The following TP53BP1 variants were observed in gnomAD, a reference collection of about 807,000 sequenced individuals.
TP53BP1 encodes TP53-binding protein 1.
Under a neutral mutation model 200.8 loss-of-function variants are expected in TP53BP1, and 61 were observed. The observed-to-expected ratio is 0.30, with a 90% CI of 0.25 to 0.38. The LOEUF is 0.38. Among genes scored for constraint, TP53BP1 ranks in the 10% least tolerant of loss-of-function variants. The pLI is 1.00. For synonymous variants in TP53BP1, 822 were observed against 844.3 expected (o/e 0.97, Z 0.46); for missense variants, 2,144 against 2,371.9 (o/e 0.90, Z 2.00).
intron 4 of TP53BP1, 39 bp from the exon 5 acceptor site, chr15:43,481,061 G>C (rs2078957775): frequency 1.2e-6 from 2 of 1,612,810 alleles, no homozygotes; most frequent in Admixed American, 1.7e-5. Context: ...TTCCCAGATA[G>C]TTTGGGACAC....
At chr15:43,502,650 G>A (rs1307308059) in intron 1 of TP53BP1, among the ~76,000 whole-genome samples, 1 of 150,934 alleles carries the variant, frequency 6.6e-6, no homozygotes, top group African/African-American at 2.4e-5. Context: ...TAGTAGAGAC[G>A]GGGTTTCACT....
Position 43,481,036 on chromosome 15 carries a change from G to A in TP53BP1, c.372-14C>T, listed in dbSNP as rs376159158. 2 of 1,613,918 alleles carry A rather than the reference G, an allele frequency of 1.2e-6. No homozygotes were observed. Among genetic ancestry groups the A allele is most frequent in the African/African-American group, 2.7e-5 (2 of 75,044 alleles). On this transcript the variant is annotated splice_polypyrimidine_tract_variant and intron_variant, in intron 4 of 27. Coordinates refer to ENST00000382044, the MANE Select transcript of TP53BP1 (RefSeq NM_001141980.3). ...ATTCCCAGAACACTACACAGCAGAAGGATATAATCATGTGTTCCCAGATAG... is the reference window on the plus strand; with the variant it reads ...ATTCCCAGAACACTACACAGCAGAAAGATATAATCATGTGTTCCCAGATAG...
chr15:43,426,853 CAAA>C (rs748731821), intron 18 of TP53BP1, among the ~76,000 whole-genome samples: 1 of 118,940 alleles, frequency 8.4e-6, no homozygotes. Flanking sequence ...ACTAGAAATA[CAAA>C]AAAAAAAAAA....
rs1450464335 is a variant in TP53BP1, at chr15:43,406,213, A to AATC, written c.*1167_*1169dup. 1 of 162,310 alleles carries AATC rather than the reference A, an allele frequency of 6.2e-6. No homozygotes were observed. Among genetic ancestry groups the AATC allele is most frequent in the Non-Finnish European group, 1.3e-5 (1 of 74,500 alleles). The allele number at this position is 162,310 out of a possible 1,614,324, so 10.1% of individuals were successfully genotyped here. A position where few individuals can be genotyped will look rare whatever the true frequency, so the allele number is the denominator to read the frequency against. On this transcript the variant is annotated 3_prime_UTR_variant, in exon 28 of 28. Transcript: ENST00000382044. ...TTAATATGGCCCAGCCATCACTGGT[A>AATC]ATCAATATTCATATCAGTGTAAGTA...
upstream of TP53BP1, among the ~76,000 whole-genome samples, chr15:43,496,801 T>C (rs2079184953): frequency 1.3e-5 from 2 of 152,092 alleles, no homozygotes; most frequent in African/African-American, 4.8e-5. Context: ...TTTGTATTTT[T>C]AGTAGAGACA....
chr15:43,458,855 T>C (rs966950831), intron 11 of TP53BP1, among the ~76,000 whole-genome samples: 2 of 152,104 alleles, frequency 1.3e-5, no homozygotes, highest in Non-Finnish European at 2.9e-5. Context: ...GCAACTCTCG[T>C]ACATTGCTGC....
chr15:43,449,398 T>C (rs914772060), intron 12 of TP53BP1, among the ~76,000 whole-genome samples: 1 of 152,252 alleles, frequency 6.6e-6, no homozygotes, highest in African/African-American at 2.4e-5. Context: ...CAGACCTTTC[T>C]ATGTGACATA....
intron 15 of TP53BP1, 55 bp from the exon 16 acceptor site, chr15:43,438,471 T>C (rs2045851582): frequency 1.8e-5 from 27 of 1,460,326 alleles, no homozygotes; most frequent in Admixed American, 7.6e-5. Flanking sequence ...AAAGTACTTT[T>C]GGAGATTATC....
At chr15:43,495,867 T>C (rs545389960), upstream of TP53BP1, among the ~76,000 whole-genome samples, 1 of 147,934 alleles carries the variant, frequency 6.8e-6, no homozygotes, top group East Asian at 2.0e-4. Context: ...AATAGATAAA[T>C]AAATGAGTGA....
chr15:43,432,733 G>A (rs1045239181), intron 16 of TP53BP1, 56 bp from the exon 17 acceptor site: 28 of 1,530,146 alleles, frequency 1.8e-5, no homozygotes, highest in Non-Finnish European at 2.2e-5. Flanking sequence ...ATGTGTGAAC[G>A]TGTGTGTGTG....
At chr15:43,429,380 C>T (rs62020574) in intron 17 of TP53BP1, among the ~76,000 whole-genome samples, 26,586 of 152,078 alleles carry the variant, frequency 0.17, 2,507 homozygotes, top group Middle Eastern at 0.28. Context: ...CTTTATCCTC[C>T]CTCCTACACC....
chr15:43,493,011 C>A, intron 1 of TP53BP1, 26 bp downstream of exon 1: 2 of 1,612,784 alleles, frequency 1.2e-6, no homozygotes, highest in Non-Finnish European at 1.7e-6. Context: ...GAGCCCACTG[C>A]ACTCCCATTT....
chr15:43,498,005 G>C (rs2079190836), upstream of TP53BP1, among the ~76,000 whole-genome samples: 3 of 152,254 alleles, frequency 2.0e-5, no homozygotes, highest in South Asian at 6.2e-4. Flanking sequence ...AAGAATGTAT[G>C]GTTAATTGTA....
intron 11 of TP53BP1, among the ~76,000 whole-genome samples, chr15:43,463,050 C>A (rs1413875189): frequency 6.6e-6 from 1 of 151,902 alleles, no homozygotes; most frequent in Non-Finnish European, 1.5e-5. Flanking sequence ...GAGTGAGACT[C>A]CATCTCAAAA....
In TP53BP1 at chr15:43,409,034, G is replaced by A; in HGVS notation, c.5463C>T (p.Phe1821=). The A allele has an allele frequency of 6.2e-7, 1 of 1,614,220 alleles. No individual in the cohort carries two copies. Among genetic ancestry groups the A allele is most frequent in the East Asian group, 2.2e-5 (1 of 44,888 alleles). The change falls in exon 26 of 28, where the codon TTC becomes TTT. Residue 1821 remains phenylalanine (F), a synonymous_variant. Transcript: ENST00000382044. ...ADQHCRTRKY[F]LCLASGIPCV... is the part of the protein sequence containing the mutation. Reference sequence around the variant, plus strand: ...AAGGAATCCCACTGGCAAGGCACAGGAAGTACTTCCGGGTTCGACAATGCT... The same window carrying A: ...AAGGAATCCCACTGGCAAGGCACAGAAAGTACTTCCGGGTTCGACAATGCT...
chr15:43,470,183 TA>T (rs2046692034), intron 10 of TP53BP1, 117 bp from the exon 11 acceptor site: 2 of 862,220 alleles, frequency 2.3e-6, no homozygotes, highest in South Asian at 3.4e-5. Context: ...AATAGTGACG[TA>T]ATTTTTCAGA....
intron 15 of TP53BP1, among the ~76,000 whole-genome samples, chr15:43,439,390 T>C (rs2045876197): frequency 6.6e-6 from 1 of 152,052 alleles, no homozygotes; most frequent in Non-Finnish European, 1.5e-5. Flanking sequence ...AACACAAAAA[T>C]TAGCCCCTGG....
chr15:43,504,206 C>T (rs1049581073), intron 1 of TP53BP1, among the ~76,000 whole-genome samples: 3 of 152,134 alleles, frequency 2.0e-5, no homozygotes, highest in Non-Finnish European at 2.9e-5. Context: ...CGCACTGGCA[C>T]GATCACAGCT....
In TP53BP1 at chr15:43,456,707, G is replaced by A. The variant is rs917720125; in HGVS notation, c.1901C>T (p.Pro634Leu). The change falls in exon 12 of 28, where the codon CCG becomes CTG. Residue 634 changes from proline to leucine, a missense_variant. Physicochemically the swap from Pro to Leu is moderately conservative, Grantham distance 98. Around this residue, in one of 4 missense-constraint regions of TP53BP1, gnomAD observed 1,700 missense variants for 1,710.3 expected, o/e 0.99. Transcript: ENST00000382044. ...LTCDSGSQAV[P>L]SPATRSEALS... ...TGCCTCAGATCGAGTAGCTGGTGAC[G>A]GAACTGCCTGACTCCCCGAATCACA... 26 of 1,613,924 alleles carry A rather than the reference G, an allele frequency of 1.6e-5. No homozygotes were observed. Among genetic ancestry groups the A allele is most frequent in the African/African-American group, 6.7e-5 (5 of 74,898 alleles).
Sources: allele counts gnomAD v4.1 joint callset (sites outside exome capture counted in the v4.1 genomes callset), GRCh38; gene constraint gnomAD v4.1.1; regional missense constraint gnomAD v4.1.1; transcripts MANE v1.5; gene names NCBI Gene and HGNC (gene_info 2026-07-23, HGNC 2026-07-21).